Variants in MYO1B observed in about 807,000 individuals in gnomAD.
MYO1B encodes the protein unconventional myosin-Ib.
In MYO1B, 72 loss-of-function variants were observed where a neutral mutation model predicts 159.7. That is an observed-to-expected ratio of 0.45 (90% confidence interval 0.37 to 0.55). MYO1B has a LOEUF of 0.55. Ranked by LOEUF, MYO1B falls within the 20% of genes least tolerant of loss-of-function variation. The pLI, the probability that MYO1B is intolerant of heterozygous loss-of-function variation, is 0.00. For synonymous variants in MYO1B, 468 were observed against 473.8 expected (o/e 0.99, Z 0.16); for missense variants, 1,062 against 1,364.8 (o/e 0.78, Z 3.50).
At chr2:191,340,015 C>T (rs919989730) in intron 4 of MYO1B, among the ~76,000 whole-genome samples, 16 of 152,146 alleles carry the variant, frequency 1.1e-4, no homozygotes, top group African/African-American at 3.4e-4. Context: ...GGAGGAGGCT[C>T]ACCTGCCCAC....
intron 24 of MYO1B, chr2:191,407,790 A>G (rs926503185): frequency 5.9e-6 from 1 of 168,272 alleles, no homozygotes; most frequent in African/African-American, 2.4e-5. Flanking sequence ...ACATTATTTT[A>G]TATAATTTTT....
intron 19 of MYO1B, among the ~76,000 whole-genome samples, chr2:191,392,423 GA>G (rs1368145558): frequency 6.6e-6 from 1 of 152,150 alleles, no homozygotes; most frequent in Non-Finnish European, 1.5e-5. Context: ...TGCTCTGACA[GA>G]TTGTACAACA....
rs756300060 is a variant in MYO1B, at chr2:191,387,309, A to G, written c.1640A>G (p.His547Arg). 33 of 1,614,106 alleles carry G rather than the reference A, an allele frequency of 2.0e-5. No individual in the cohort carries two copies. In the South Asian group the frequency reaches 3.1e-4, roughly 15 times the overall value. The change falls in exon 17 of 31, where the codon CAT becomes CGT. Residue 547 changes from histidine (H) to arginine (R), a missense_variant. Around this residue, in one of 5 missense-constraint regions of MYO1B, gnomAD observed 609 missense variants for 744.4 expected, o/e 0.82. Transcript: ENST00000392318. Reference sequence around the variant, plus strand: ...TCCCAAGCCATGTGGAAGGCCAGCCATGCCCTCATCAAGTCTTTGTTCCCC... The same window carrying G: ...TCCCAAGCCATGTGGAAGGCCAGCCGTGCCCTCATCAAGTCTTTGTTCCCC... ...DLSQAMWKAS[H>R]ALIKSLFPEG...
Position 191,354,988 on chromosome 2 carries a change from T to C in MYO1B, c.562+4763T>C, listed in dbSNP as rs543996712. Among the ~76,000 whole-genome samples, 8 of 152,360 alleles carry C rather than the reference T, an allele frequency of 5.3e-5. No individual in the cohort carries two copies. The South Asian group carries it at 1.7e-3, about 32-fold the overall frequency. On this transcript the variant is annotated intron_variant, in intron 7 of 30. Transcript: ENST00000392318. ...CTTGATTAATCCCCTCTCTCATTGA[T>C]TCAAAGCTTGACTGGGAGATTTATT...
chr2:191,302,288 A>G, intron 3 of MYO1B, among the ~76,000 whole-genome samples: 1 of 152,226 alleles, frequency 6.6e-6, no homozygotes. Context: ...TCTGTAGGTT[A>G]GAAACTTTAT....
chr2:191,334,407 G>C (rs903910168), intron 4 of MYO1B, among the ~76,000 whole-genome samples: 1 of 152,160 alleles, frequency 6.6e-6, no homozygotes, highest in Non-Finnish European at 1.5e-5. Flanking sequence ...TGCTGTTTCA[G>C]AGGATTGGCA....
At chr2:191,400,691 C>G (rs1190651665) in intron 22 of MYO1B, 58 bp from the exon 23 acceptor site, 1 of 1,563,864 alleles carries the variant, frequency 6.4e-7, no homozygotes, top group African/African-American at 1.4e-5. Context: ...CATTGAAAAC[C>G]AGCAGTAACC....
chr2:191,400,110 A>C (rs570320698), intron 21 of MYO1B, among the ~76,000 whole-genome samples: 1 of 152,334 alleles, frequency 6.6e-6, no homozygotes, highest in South Asian at 2.1e-4. Flanking sequence ...GATGTGTGCC[A>C]GCTTGTGGTG....
intron 30 of MYO1B, chr2:191,416,485 G>T: frequency 2.1e-6 from 1 of 481,990 alleles, no homozygotes; most frequent in Non-Finnish European, 3.7e-6. Context: ...TAAGATTTTG[G>T]CTAACAAGTG....
At chr2:191,327,695 G>A (rs1001842394) in intron 3 of MYO1B, among the ~76,000 whole-genome samples, 114 of 152,232 alleles carry the variant, frequency 7.5e-4, no homozygotes, top group Non-Finnish European at 9.8e-4. Flanking sequence ...TGAAGCTTGA[G>A]CAAGGCTTTG....
At chr2:191,373,839 CT>C (rs996618219) in intron 13 of MYO1B, among the ~76,000 whole-genome samples, 15 of 152,036 alleles carry the variant, frequency 9.9e-5, no homozygotes, top group South Asian at 2.1e-4. Flanking sequence ...AATAATTTTT[CT>C]TTTTTTCCCC....
intron 15 of MYO1B, 83 bp from the exon 16 acceptor site, chr2:191,385,801 T>C (rs1695367531): frequency 2.2e-6 from 3 of 1,375,408 alleles, no homozygotes; most frequent in Admixed American, 2.0e-5. Flanking sequence ...CTAAGTTGAT[T>C]GTGTTTGATG....
intron 2 of MYO1B, among the ~76,000 whole-genome samples, chr2:191,287,221 C>T (rs1688426311): frequency 1.3e-5 from 2 of 152,092 alleles, no homozygotes; most frequent in South Asian, 2.1e-4. Flanking sequence ...AGCTAGTATG[C>T]TTCTTGTAAA....
intron 4 of MYO1B, among the ~76,000 whole-genome samples, chr2:191,333,633 C>A (rs183160242): frequency 4.6e-5 from 7 of 152,252 alleles, no homozygotes; most frequent in African/African-American, 1.4e-4. Flanking sequence ...TCTCTCCTTT[C>A]TCTCTTGATT....
chr2:191,369,934 G>T (rs10208853), intron 12 of MYO1B, among the ~76,000 whole-genome samples: 24,426 of 152,016 alleles, frequency 0.16, 5,203 homozygotes, highest in African/African-American at 0.49. Flanking sequence ...TGCTGAAAAG[G>T]TCACTTTACT....
In MYO1B at chr2:191,393,252, A is replaced by G. The variant is rs770116929; in HGVS notation, c.2226+30A>G. The stretch of plus-strand genomic sequence containing the variant: ...GAGTCTCAGTCATTTTAAATCAGTA[A>G]TAACAATGCTAATTTGCCAACATTT... On this transcript the variant is annotated intron_variant, in intron 20 of 30. Transcript: ENST00000392318. 4.4e-6 allele frequency: 7 copies of G among 1,607,442 alleles called. No individual in the cohort carries two copies. The South Asian group carries it at 7.7e-5, about 18-fold the overall frequency.
chr2:191,376,206 C>G (rs1694701236), intron 13 of MYO1B, among the ~76,000 whole-genome samples: 1 of 152,084 alleles, frequency 6.6e-6, no homozygotes, highest in Non-Finnish European at 1.5e-5. Flanking sequence ...GGGAAATTTT[C>G]TAAACCTTTA....
In MYO1B at chr2:191,287,152, G is replaced by C. The variant is rs575531373; in HGVS notation, c.136-8959G>C. 1.2e-4 allele frequency among the ~76,000 whole-genome samples: 19 copies of C among 152,166 alleles called. 1 individual carries two copies. The South Asian group carries it at 3.5e-3, about 28-fold the overall frequency. On this transcript the variant is annotated intron_variant, in intron 2 of 30. Coordinates refer to ENST00000392318, the MANE Select transcript of MYO1B (RefSeq NM_001130158.3). ...ATGGAATGCTTGCTGTGGGTCAGGT[G>C]CTGTGTTTGATGTTTTGACACACAA...
intron 3 of MYO1B, among the ~76,000 whole-genome samples, chr2:191,326,516 T>G (rs1476720189): frequency 6.6e-6 from 1 of 152,200 alleles, no homozygotes; most frequent in African/African-American, 2.4e-5. Flanking sequence ...AGTACTTTAA[T>G]TGGTAAATTT....
Sources: allele counts gnomAD v4.1 joint callset (sites outside exome capture counted in the v4.1 genomes callset), GRCh38; gene constraint gnomAD v4.1.1; regional missense constraint gnomAD v4.1.1; transcripts MANE v1.5; gene names NCBI Gene and HGNC (gene_info 2026-07-23, HGNC 2026-07-21).